The following ADGRV1 variants were observed in gnomAD, a reference collection of about 807,000 sequenced individuals.
ADGRV1 encodes the protein G-protein coupled receptor 98.
Under a neutral mutation model 596.2 loss-of-function variants are expected in ADGRV1, and 359 were observed. The ratio of observed to expected loss-of-function variants is 0.60; its 90% CI spans 0.55 to 0.66. The LOEUF (loss-of-function observed/expected upper bound fraction) is 0.66, where lower values mean the gene tolerates loss of function less well. ADGRV1 is among the 30% of genes least tolerant of loss of function. The probability of loss-of-function intolerance (pLI) is 0.00; values close to 1 mark genes in which losing one functional copy is unlikely to be tolerated. For missense variants in ADGRV1, 7,274 were observed against 7,575.6 expected, an observed-to-expected ratio of 0.96 and a Z score of 1.48; for synonymous variants, 2,681 against 2,679.2, an observed-to-expected ratio of 1.00 and a Z score of -0.02.
chr5:90,601,090 T>C (rs1451536985), intron 1 of ADGRV1, among the ~76,000 whole-genome samples: 1 of 151,928 alleles, frequency 6.6e-6, no homozygotes, highest in Non-Finnish European at 1.5e-5. Context: ...ATACAATAAT[T>C]AGCCGGGCGT....
chr5:90,579,317 A>G (rs914447176), intron 1 of ADGRV1, among the ~76,000 whole-genome samples: 4 of 152,044 alleles, frequency 2.6e-5, no homozygotes, highest in Admixed American at 6.5e-5. Context: ...CTTTGTTCTC[A>G]TTGGTTTCAA....
Position 90,755,096 on chromosome 5 carries a change from A to C in ADGRV1, c.11491A>C (p.Thr3831Pro). 6.2e-7 allele frequency: 1 copy of C among 1,609,254 alleles called. No individual in the cohort carries two copies. Among genetic ancestry groups the C allele is most frequent in the Non-Finnish European group, 8.5e-7 (1 of 1,175,758 alleles). ...CTTACTGCATGTCGATAATCAAGCTACTGAGAATGAAGATTATGTATTGCA... is the reference window on the plus strand; with the variant it reads ...CTTACTGCATGTCGATAATCAAGCTCCTGAGAATGAAGATTATGTATTGCA... ...NFLLHVDNQATENEDYVLQET... is the reference protein window; with the variant it reads ...NFLLHVDNQAPENEDYVLQET... Residue 3831 changes from threonine to proline, a missense_variant, in exon 55 of 90, where the codon ACT becomes CCT. Thr to Pro is a conservative substitution (Grantham distance 38). Coordinates refer to ENST00000405460, the MANE Select transcript of ADGRV1 (RefSeq NM_032119.4).
At chr5:90,991,008 T>C (rs138420676) in intron 85 of ADGRV1, among the ~76,000 whole-genome samples, 2,472 of 152,256 alleles carry the variant, frequency 0.016, 53 homozygotes, top group African/African-American at 0.054. Flanking sequence ...GTAAAGGGAA[T>C]GTGGTCCTGA....
At chr5:90,828,229 A>T (rs993865818) in intron 76 of ADGRV1, among the ~76,000 whole-genome samples, 2 of 152,156 alleles carry the variant, frequency 1.3e-5, no homozygotes, top group African/African-American at 4.8e-5. Flanking sequence ...GAAAATTTTG[A>T]AAAATACATA....
At chr5:91,147,427 G>A (rs1795644271) in intron 87 of ADGRV1, among the ~76,000 whole-genome samples, 1 of 152,164 alleles carries the variant, frequency 6.6e-6, no homozygotes, top group African/African-American at 2.4e-5. Context: ...TAATCCCCAT[G>A]TGTCAAGGGC....
chr5:90,723,933 CT>C (rs1355064310), intron 45 of ADGRV1, among the ~76,000 whole-genome samples: 2 of 147,314 alleles, frequency 1.4e-5, no homozygotes, highest in Non-Finnish European at 1.5e-5. Context: ...CTTTTTTTTT[CT>C]TTTTTTTTGT....
At chr5:90,991,517 T>C (rs1780964348) in intron 85 of ADGRV1, among the ~76,000 whole-genome samples, 2 of 152,198 alleles carry the variant, frequency 1.3e-5, no homozygotes, top group Non-Finnish European at 2.9e-5. Flanking sequence ...ACTCCTGAGC[T>C]CATGCAATTT....
chr5:90,690,204 T>G, intron 30 of ADGRV1, 128 bp downstream of exon 30: 2 of 621,636 alleles, frequency 3.2e-6, no homozygotes, highest in Non-Finnish European at 5.6e-6. Context: ...GTTACTGACA[T>G]ATAGGACATC....
chr5:90,759,044 TA>T (rs1277370621), intron 57 of ADGRV1, among the ~76,000 whole-genome samples: 1 of 152,152 alleles, frequency 6.6e-6, no homozygotes, highest in African/African-American at 2.4e-5. Context: ...TGCATGACAT[TA>T]AAAAAATTTT....
intron 70 of ADGRV1, among the ~76,000 whole-genome samples, chr5:90,798,856 G>C (rs1244406507): frequency 6.6e-6 from 1 of 152,090 alleles, no homozygotes; most frequent in Non-Finnish European, 1.5e-5. Flanking sequence ...TGCAGAAAAG[G>C]CCTTTGACAA....
rs777329583 is a variant in ADGRV1, at chr5:90,635,207, C to T, written c.1933C>T (p.Pro645Ser). The change falls in exon 10 of 90, where the codon CCA (proline) becomes TCA (serine). Residue 645 changes from proline to serine, a missense_variant. Coordinates refer to ENST00000405460, the MANE Select transcript of ADGRV1 (RefSeq NM_032119.4). ...CTGCAATATTTCTTTACTGGTTACT[C>T]CAGCCATTGCAAATGGAGAAATTGG... is the stretch of plus-strand genomic sequence containing the variant. Reference protein sequence around the residue: ...EICNISLLVTPAIANGEIGFL... With the variant: ...EICNISLLVTSAIANGEIGFL... The T allele has an allele frequency of 1.4e-5, 22 of 1,613,292 alleles. No homozygotes were observed. In the South Asian group the frequency reaches 2.4e-4, roughly 18 times the overall value.
intron 1 of ADGRV1, among the ~76,000 whole-genome samples, chr5:90,613,845 T>A (rs981825772): frequency 6.6e-6 from 1 of 152,130 alleles, no homozygotes; most frequent in African/African-American, 2.4e-5. Context: ...AAACACCACA[T>A]ACAAGAAAAT....
chr5:90,892,419 C>G (rs563458458), intron 83 of ADGRV1, among the ~76,000 whole-genome samples: 1 of 152,094 alleles, frequency 6.6e-6, no homozygotes, highest in East Asian at 1.9e-4. Context: ...TTATGTCATT[C>G]AGGCCTGGCA....
At position 90,617,864 on chromosome 5, in the gene ADGRV1, G is replaced by A. The variant is rs533094348; in HGVS notation, c.268G>A (p.Gly90Arg). The change falls in exon 3 of 90, where the codon GGA (glycine) becomes AGA (arginine). Residue 90 changes from glycine to arginine, a missense_variant. By Grantham distance (125) the Gly-to-Arg change is moderately radical (BLOSUM62 -2). Coordinates refer to ENST00000405460, the MANE Select transcript of ADGRV1 (RefSeq NM_032119.4). ...DTYAAAFIPA[G>R]ETNRTVYIAV... ...ATATGCTGCAGCTTTTATACCTGCC[G>A]GAGAAACAAACAGAACAGTGTACAT... is the stretch of plus-strand genomic sequence containing the variant. 1.2e-5 allele frequency: 19 copies of A among 1,599,614 alleles called. No individual in the cohort carries two copies. The highest frequency in any genetic ancestry group is 4.5e-5 in the East Asian group (2 of 44,628).
At chr5:90,690,699 T>C in intron 30 of ADGRV1, 98 bp from the exon 31 acceptor site, 2 of 1,223,642 alleles carry the variant, frequency 1.6e-6, no homozygotes, top group Admixed American at 2.1e-5. Context: ...TTAGATTGCT[T>C]AGGGGGGAAG....
intron 84 of ADGRV1, among the ~76,000 whole-genome samples, chr5:90,974,554 C>T (rs1418726747): frequency 6.6e-6 from 1 of 152,136 alleles, no homozygotes; most frequent in African/African-American, 2.4e-5. Context: ...CACACGTCTA[C>T]AACCATCTGA....
chr5:90,805,202 G>A lies in ADGRV1; in HGVS notation c.14662-82G>A, dbSNP rs1761787068. On this transcript the variant is annotated intron_variant, in intron 71 of 89. Coordinates refer to ENST00000405460, the MANE Select transcript of ADGRV1 (RefSeq NM_032119.4). ...AGGATATATATTGTATAAACCAAGG[G>A]AAAGTTTACGTTTAACCCATTCCTC... 1.4e-5 allele frequency: 17 copies of A among 1,174,232 alleles called. No homozygotes were observed. In the East Asian group the frequency reaches 1.7e-4, roughly 12 times the overall value. The allele number at this position is 1,174,232 out of a possible 1,614,324, so 72.7% of individuals were successfully genotyped here. A position where few individuals can be genotyped will look rare whatever the true frequency, so the allele number is the denominator to read the frequency against.
chr5:91,031,005 T>A, intron 85 of ADGRV1: 1 of 1,463,806 alleles, frequency 6.8e-7, no homozygotes, highest in Non-Finnish European at 9.1e-7. Flanking sequence ...TCAGTTGTAG[T>A]CTGCTGATCT....
intron 83 of ADGRV1, among the ~76,000 whole-genome samples, chr5:90,923,720 G>A (rs545969617): frequency 1.2e-4 from 18 of 152,100 alleles, no homozygotes; most frequent in Non-Finnish European, 1.5e-4. Flanking sequence ...ATGCTGGTGC[G>A]CTGCACCCAC....
Sources: allele counts gnomAD v4.1 joint callset (sites outside exome capture counted in the v4.1 genomes callset), GRCh38; gene constraint gnomAD v4.1.1; transcripts MANE v1.5; gene names NCBI Gene and HGNC (gene_info 2026-07-23, HGNC 2026-07-21).